The following CDHR3 variants were observed in gnomAD, a reference collection of about 807,000 sequenced individuals.
CDHR3 encodes the protein cadherin related family member 3.
A neutral mutation model predicts 86.6 loss-of-function variants in CDHR3; 79 were observed. The observed-to-expected ratio is 0.91, with a 90% CI of 0.76 to 1.10. The LOEUF is 1.10. CDHR3 is among the 50% of genes least tolerant of loss of function. The pLI, the probability that CDHR3 is intolerant of heterozygous loss-of-function variation, is 0.00. For missense variants in CDHR3, 1,081 were observed against 1,077.6 expected (o/e 1.00, Z -0.04); for synonymous variants, 421 against 402.4 (o/e 1.05, Z -0.55).
At chr7:105,968,588 G>A (rs1362375377) in intron 1 of CDHR3, among the ~76,000 whole-genome samples, 4 of 151,952 alleles carry the variant, frequency 2.6e-5, no homozygotes, top group Admixed American at 6.6e-5. Flanking sequence ...CTCAAACTCC[G>A]GACCTCAGGT....
rs1585756540 is a variant in CDHR3, at chr7:106,011,918, T to C, written c.1053-942T>C. On this transcript the variant is annotated intron_variant, in intron 8 of 18. Coordinates refer to ENST00000317716, the MANE Select transcript of CDHR3 (RefSeq NM_152750.5). ...ATAAATCTCTTTTGGATGAATAATA[T>C]AAAGGTGTTAGGAGGCCCTTCTAGG... Among the ~76,000 whole-genome samples the C allele has an allele frequency of 3.3e-5, 5 of 152,296 alleles. No individual in the cohort carries two copies. In the South Asian group the frequency reaches 1.0e-3, roughly 32 times the overall value.
intron 4 of CDHR3, among the ~76,000 whole-genome samples, chr7:105,991,952 G>GATGA (rs1418583418): frequency 6.6e-6 from 1 of 152,188 alleles, no homozygotes; most frequent in Non-Finnish European, 1.5e-5. Context: ...GCTACAAAGT[G>GATGA]ATGAACCAGG....
chr7:106,020,632 T>C (rs1413120722), intron 13 of CDHR3, 88 bp downstream of exon 13: 12 of 1,405,122 alleles, frequency 8.5e-6, no homozygotes, highest in Non-Finnish European at 1.2e-5. Context: ...CACACTGATC[T>C]GGGCAAAGTG....
chr7:106,031,149 A>G (rs1318224010), intron 18 of CDHR3, among the ~76,000 whole-genome samples: 1 of 152,202 alleles, frequency 6.6e-6, no homozygotes, highest in Non-Finnish European at 1.5e-5. Context: ...AGTTGAGGGA[A>G]CTGGTGAATC....
In CDHR3 at chr7:106,028,278, T is replaced by C. The variant is rs189358932; in HGVS notation, c.2273-273T>C. 942 of 432,590 alleles carry C rather than the reference T, an allele frequency of 2.2e-3. 18 individuals carry two copies. Among genetic ancestry groups the C allele is most frequent in the Non-Finnish European group, 2.4e-4 (58 of 238,014 alleles). 26.8% of individuals were successfully genotyped at this position (432,590 alleles called of 1,614,324 possible). A position where few individuals can be genotyped will look rare whatever the true frequency, so the allele number is the denominator to read the frequency against. ...CTTAAAAGCCATGTAAAAGCCAGTT[T>C]TCTAGGTCCACTGATAATAAGCTAG... On this transcript the variant is annotated intron_variant, in intron 16 of 18. Coordinates refer to ENST00000317716, the MANE Select transcript of CDHR3 (RefSeq NM_152750.5).
chr7:106,012,741 G>T, intron 8 of CDHR3, 119 bp from the exon 9 acceptor site: 1 of 1,125,554 alleles, frequency 8.9e-7, no homozygotes, highest in Non-Finnish European at 1.3e-6. Context: ...TGACTGCAAT[G>T]ACCATGGACT....
rs200639930 is a variant in CDHR3 at position 106,022,251 on chromosome 7, C to T, written c.1879C>T (p.Arg627Cys). 176 of 1,613,936 alleles carry T rather than the reference C, an allele frequency of 1.1e-4. No individual in the cohort carries two copies. Among genetic ancestry groups the T allele is most frequent in the Non-Finnish European group, 4.7e-5 (56 of 1,179,900 alleles). The change falls in exon 14 of 19, where the codon CGC becomes TGC. Residue 627 changes from arginine (R) to cysteine (C), a missense_variant. By Grantham distance (180) the Arg-to-Cys change is radical. Coordinates refer to ENST00000317716, the MANE Select transcript of CDHR3 (RefSeq NM_152750.5). ...FSPNAGSNVT[R>C]LLLTSRFDYA... ...TCCCAATGCTGGTTCCAATGTCACA[C>T]GCCTGCTGCTTACATCTCGCTTTGA...
chr7:106,003,380 C>A (rs761849858), intron 7 of CDHR3, among the ~76,000 whole-genome samples: 1 of 152,166 alleles, frequency 6.6e-6, no homozygotes, highest in African/African-American at 2.4e-5. Context: ...CTTCTCTGCT[C>A]TTCTATAACC....
At chr7:106,024,030 G>A (rs1836979758) in intron 14 of CDHR3, among the ~76,000 whole-genome samples, 1 of 152,138 alleles carries the variant, frequency 6.6e-6, no homozygotes, top group Non-Finnish European at 1.5e-5. Context: ...GGCTTATGCT[G>A]TCTCGGTGAG....
At chr7:106,004,892 A>G (rs75852641) in intron 8 of CDHR3, 23,367 of 589,988 alleles carry the variant, frequency 0.04, 596 homozygotes, top group African/African-American at 0.077. Context: ...TTCCTTCTTC[A>G]TTATCTCCCT....
chr7:106,001,300 C>A (rs1274992886), intron 6 of CDHR3, among the ~76,000 whole-genome samples, 162 bp from the exon 7 acceptor site: 1 of 152,128 alleles, frequency 6.6e-6, no homozygotes, highest in Non-Finnish European at 1.5e-5. Context: ...GATACAAAAG[C>A]CAGCCACCCC....
At chr7:106,011,473 C>T (rs1585753666) in intron 8 of CDHR3, among the ~76,000 whole-genome samples, 1 of 152,124 alleles carries the variant, frequency 6.6e-6, no homozygotes, top group South Asian at 2.1e-4. Flanking sequence ...ACCTTCCCAC[C>T]ACCAGGCATG....
intron 5 of CDHR3, among the ~76,000 whole-genome samples, 153 bp downstream of exon 5, chr7:105,994,998 G>T (rs970244826): frequency 1.3e-5 from 2 of 152,232 alleles, no homozygotes; most frequent in African/African-American, 4.8e-5. Context: ...GTGAACCCCA[G>T]AGAGGGATGG....
intron 7 of CDHR3, among the ~76,000 whole-genome samples, chr7:106,003,989 CAAAAAAAAAAAA>C (rs55815648): frequency 8.8e-5 from 7 of 79,950 alleles, no homozygotes; most frequent in Admixed American, 5.9e-4. Context: ...CCAACCTAAC[CAAAAAAAAAAAA>C]AAAAAAAAAA....
At chr7:105,991,151 T>C (rs561551926) in intron 4 of CDHR3, among the ~76,000 whole-genome samples, 1 of 152,364 alleles carries the variant, frequency 6.6e-6, no homozygotes, top group East Asian at 1.9e-4. Context: ...CTTTTCATTC[T>C]ATTTAATTTC....
At chr7:106,020,585 G>T in intron 13 of CDHR3, 41 bp downstream of exon 13, 1 of 1,585,254 alleles carries the variant, frequency 6.3e-7, no homozygotes, top group Non-Finnish European at 8.6e-7. Context: ...CTGTCTCTGA[G>T]GACCCTGAAG....
chr7:106,028,525 A>T, intron 16 of CDHR3, 26 bp from the exon 17 acceptor site: 1 of 1,613,854 alleles, frequency 6.2e-7, no homozygotes, highest in East Asian at 2.2e-5. Context: ...AAGAAGCTTA[A>T]CTTCTGCCTG....
intron 1 of CDHR3, among the ~76,000 whole-genome samples, chr7:105,964,821 G>A (rs1344719919): frequency 6.6e-6 from 1 of 152,062 alleles, no homozygotes; most frequent in Non-Finnish European, 1.5e-5. Flanking sequence ...CTTCTATCTT[G>A]GGCTTTTCAA....
At position 106,024,365 on chromosome 7, in the gene CDHR3, C is replaced by A; in HGVS notation, c.2077-16C>A. On this transcript the variant is annotated splice_polypyrimidine_tract_variant and intron_variant, in intron 14 of 18. Transcript: ENST00000317716. ...TACCACCCTCTACTCACCCTCCCTG[C>A]TCTCTGTTGTTCAAGCCCAGGGTCA... 6.2e-7 allele frequency: 1 copy of A among 1,612,456 alleles called. No homozygotes were observed. The highest frequency in any genetic ancestry group is 8.5e-7 in the Non-Finnish European group (1 of 1,178,668).
Sources: allele counts gnomAD v4.1 joint callset (sites outside exome capture counted in the v4.1 genomes callset), GRCh38; gene constraint gnomAD v4.1.1; transcripts MANE v1.5; gene names NCBI Gene and HGNC (gene_info 2026-07-23, HGNC 2026-07-21).